Variants in IMMP2L observed in about 807,000 individuals in gnomAD.
The protein encoded by IMMP2L is inner mitochondrial membrane peptidase subunit 2.
A neutral mutation model predicts 19.3 loss-of-function variants in IMMP2L; 18 were observed. The observed-to-expected ratio is 0.93, with a 90% CI of 0.64 to 1.38. The LOEUF (loss-of-function observed/expected upper bound fraction) is 1.38, where lower values mean the gene tolerates loss of function less well. Ranked by LOEUF, IMMP2L falls within the 40% of genes most tolerant of loss-of-function variation. IMMP2L has a pLI of 0.00. For synonymous variants in IMMP2L, 76 were observed against 73.0 expected, an observed-to-expected ratio of 1.04 and a Z score of -0.21; for missense variants, 233 against 218.2, an observed-to-expected ratio of 1.07 and a Z score of -0.43.
intron 3 of IMMP2L, among the ~76,000 whole-genome samples, chr7:111,005,518 T>C (rs1824194765): frequency 6.6e-6 from 1 of 152,190 alleles, no homozygotes. Context: ...CACTAATCTG[T>C]GTAACAACTA....
chr7:111,236,195 C>A (rs1814291412), intron 3 of IMMP2L, among the ~76,000 whole-genome samples: 1 of 151,604 alleles, frequency 6.6e-6, no homozygotes, highest in Admixed American at 6.6e-5. Context: ...TCATGGTTTC[C>A]TGTGTCTTTG....
intron 3 of IMMP2L, among the ~76,000 whole-genome samples, chr7:111,099,232 T>C (rs1163676129): frequency 6.6e-6 from 1 of 151,730 alleles, no homozygotes; most frequent in Non-Finnish European, 1.5e-5. Context: ...TCAAATTTCA[T>C]TATTTATAAT....
At chr7:110,918,452 C>CTTTTTTTTTTT (rs1029668134) in intron 4 of IMMP2L, among the ~76,000 whole-genome samples, 7 of 130,484 alleles carry the variant, frequency 5.4e-5, no homozygotes, top group African/African-American at 1.4e-4. Flanking sequence ...TTCTTTTTTT[C>CTTTTTTTTTTT]TTTTTTTTTT....
chr7:111,320,571 G>T (rs968573524), intron 3 of IMMP2L, among the ~76,000 whole-genome samples: 3 of 151,910 alleles, frequency 2.0e-5, no homozygotes, highest in African/African-American at 7.3e-5. Context: ...TGTTTACAAG[G>T]CCCTTGATAA....
At chr7:111,020,054 G>C (rs1826119462) in intron 3 of IMMP2L, among the ~76,000 whole-genome samples, 1 of 150,620 alleles carries the variant, frequency 6.6e-6, no homozygotes, top group African/African-American at 2.5e-5. Flanking sequence ...CTATGTGCTA[G>C]GTATCTTTCT....
intron 5 of IMMP2L, among the ~76,000 whole-genome samples, chr7:110,858,956 G>A (rs1429107281): frequency 6.6e-6 from 1 of 152,084 alleles, no homozygotes; most frequent in African/African-American, 2.4e-5. Flanking sequence ...TGGCTCCATA[G>A]TATTCAAATC....
At chr7:111,242,888 T>C (rs373328061) in intron 3 of IMMP2L, among the ~76,000 whole-genome samples, 17 of 152,280 alleles carry the variant, frequency 1.1e-4, no homozygotes, top group African/African-American at 4.1e-4. Context: ...ATAATGACTC[T>C]ATTTAGAAAC....
chr7:111,549,298 T>G (rs1243031559), intron 1 of IMMP2L, among the ~76,000 whole-genome samples: 1 of 152,152 alleles, frequency 6.6e-6, no homozygotes, highest in African/African-American at 2.4e-5. Context: ...TACAAACAGC[T>G]TATGAAGTCC....
intron 3 of IMMP2L, among the ~76,000 whole-genome samples, chr7:111,469,973 C>G (rs996111209): frequency 1.3e-5 from 2 of 152,114 alleles, no homozygotes; most frequent in Non-Finnish European, 2.9e-5. Context: ...GCAAGCTACT[C>G]ATCTGACAAA....
At chr7:111,341,211 C>T (rs11978401) in intron 3 of IMMP2L, among the ~76,000 whole-genome samples, 4,889 of 152,080 alleles carry the variant, frequency 0.032, 260 homozygotes, top group African/African-American at 0.11. Context: ...TTAATACAAC[C>T]TAACCTCTCA....
intron 3 of IMMP2L, among the ~76,000 whole-genome samples, chr7:111,022,247 G>C (rs1390864809): frequency 2.0e-5 from 3 of 152,144 alleles, no homozygotes; most frequent in African/African-American, 7.2e-5. Context: ...AAATTCCTAA[G>C]ACTAGGGTGG....
At position 111,123,487 on chromosome 7, in the gene IMMP2L, G is replaced by C. The variant is rs1258995982; in HGVS notation, c.240-159922C>G. ...CGCCTTGGTTGGACTGGAAAACTTAGAAAGCATCTCTTTTTACGATAACAG... is the reference window on the plus strand; with the variant it reads ...CGCCTTGGTTGGACTGGAAAACTTACAAAGCATCTCTTTTTACGATAACAG... On this transcript the variant is annotated intron_variant, in intron 3 of 5. Coordinates refer to ENST00000405709, the MANE Select transcript of IMMP2L (RefSeq NM_032549.4). The surrounding 1 kb of genome is among the most constrained non-coding windows in gnomAD (Gnocchi z 6.4). 1 of 1,613,856 alleles carries C rather than the reference G, an allele frequency of 6.2e-7. No individual in the cohort carries two copies. The highest frequency in any genetic ancestry group is 2.2e-5 in the East Asian group (1 of 44,846).
At chr7:111,175,256 C>T (rs1806914816) in intron 3 of IMMP2L, among the ~76,000 whole-genome samples, 2 of 151,746 alleles carry the variant, frequency 1.3e-5, no homozygotes, top group Admixed American at 6.6e-5. Flanking sequence ...CAGCGTTTTC[C>T]CCATCTTAGC....
At chr7:111,042,694 T>C (rs1223529857) in intron 3 of IMMP2L, among the ~76,000 whole-genome samples, 2 of 152,194 alleles carry the variant, frequency 1.3e-5, no homozygotes, top group African/African-American at 4.8e-5. Context: ...GCTTAGTGAA[T>C]AGCATGGTCT....
chr7:111,250,530 G>A (rs758414075), intron 3 of IMMP2L, among the ~76,000 whole-genome samples: 18 of 151,940 alleles, frequency 1.2e-4, no homozygotes, highest in African/African-American at 2.9e-4. Context: ...TAACCAAAAC[G>A]GCATGATACT....
intron 4 of IMMP2L, among the ~76,000 whole-genome samples, chr7:110,949,442 A>G (rs896758965): frequency 6.6e-6 from 1 of 152,206 alleles, no homozygotes; most frequent in Non-Finnish European, 1.5e-5. Context: ...ACTGTTGGCC[A>G]AGACTAAAAA....
At chr7:111,514,123 G>A (rs921034851) in intron 2 of IMMP2L, among the ~76,000 whole-genome samples, 10 of 151,988 alleles carry the variant, frequency 6.6e-5, no homozygotes, top group African/African-American at 2.2e-4. Flanking sequence ...ACAGCAAGGT[G>A]ACTATAGCTA....
At chr7:111,051,984 C>T (rs750198920) in intron 3 of IMMP2L, among the ~76,000 whole-genome samples, 1 of 152,108 alleles carries the variant, frequency 6.6e-6, no homozygotes, top group Non-Finnish European at 1.5e-5. Flanking sequence ...TATCCATGCT[C>T]CCTTTGGAGT....
At chr7:111,398,165 T>C (rs1563143470) in intron 3 of IMMP2L, among the ~76,000 whole-genome samples, 1 of 151,994 alleles carries the variant, frequency 6.6e-6, no homozygotes, top group Admixed American at 6.6e-5. Flanking sequence ...TGGTATTTGG[T>C]TACATGAGTA....
Sources: allele counts gnomAD v4.1 joint callset (sites outside exome capture counted in the v4.1 genomes callset), GRCh38; gene constraint gnomAD v4.1.1; non-coding constraint Gnocchi (gnomAD v3.1); transcripts MANE v1.5; gene names NCBI Gene and HGNC (gene_info 2026-07-23, HGNC 2026-07-21).